The following CCND3 variants were observed in gnomAD, a reference collection of about 807,000 sequenced individuals.
The protein encoded by CCND3 is G1/S-specific cyclin-D3.
CCND3 carries 9 observed loss-of-function variants against 28.7 expected under a neutral mutation model. The observed-to-expected ratio is 0.31, with a 90% confidence interval of 0.19 to 0.55. The LOEUF (loss-of-function observed/expected upper bound fraction) is 0.55. CCND3 is among the 20% of genes least tolerant of loss of function. The probability of loss-of-function intolerance (pLI) is 0.93; values close to 1 mark genes in which losing one functional copy is unlikely to be tolerated. For synonymous variants in CCND3, 164 were observed against 163.9 expected, an observed-to-expected ratio of 1.00 and a Z score of 0.00; for missense variants, 315 against 385.8, an observed-to-expected ratio of 0.82 and a Z score of 1.54.
intron 1 of CCND3, among the ~76,000 whole-genome samples, chr6:42,036,403 A>ATATAC (rs57619585): frequency 3.2e-5 from 1 of 31,312 alleles, no homozygotes; most frequent in Non-Finnish European, 5.0e-5. Flanking sequence ...ATATATATAT[A>ATATAC]TTTTTTTTTT....
chr6:42,037,872 A>G (rs1764269511), intron 1 of CCND3, among the ~76,000 whole-genome samples: 1 of 151,866 alleles, frequency 6.6e-6, no homozygotes, highest in South Asian at 2.1e-4. Flanking sequence ...CTCTAATAAA[A>G]ATACAAAAAT....
chr6:42,041,915 C>A (rs888735333), intron 1 of CCND3, among the ~76,000 whole-genome samples: 2 of 152,172 alleles, frequency 1.3e-5, no homozygotes, highest in African/African-American at 4.8e-5. Flanking sequence ...GAGGCCCCTG[C>A]TCCGGCTTCC....
chr6:42,012,939 C>T (rs1320065615), intron 1 of CCND3, among the ~76,000 whole-genome samples: 2 of 152,156 alleles, frequency 1.3e-5, no homozygotes, highest in African/African-American at 4.8e-5. Context: ...CTGGTCAGTT[C>T]TGACCACTAG....
intron 1 of CCND3, among the ~76,000 whole-genome samples, chr6:41,952,464 G>A (rs766343288): frequency 2.6e-5 from 4 of 152,218 alleles, no homozygotes; most frequent in Non-Finnish European, 2.9e-5. Context: ...TACCTGAGGC[G>A]TGAGGGAGCA....
Position 42,020,102 on chromosome 6 carries a change from T to C in CCND3, c.-46+28399A>G, listed in dbSNP as rs564557795. Among the ~76,000 whole-genome samples, 3 of 151,914 alleles carry C rather than the reference T, an allele frequency of 2.0e-5. No homozygotes were observed. In the South Asian group the frequency reaches 6.2e-4, roughly 32 times the overall value. ...GACCATCCTGGCTAACAAGGTGAAA[T>C]CCCGTCTCTACTAAAAATGCAAAAA... On this transcript the variant is annotated intron_variant, in intron 1 of 4. Transcript: ENST00000372988.
In CCND3 at chr6:41,984,000, C is replaced by T. The variant is rs568927910; in HGVS notation, c.-45-43415G>A. Among the ~76,000 whole-genome samples, 6 of 152,258 alleles carry T rather than the reference C, an allele frequency of 3.9e-5. No homozygotes were observed. In the East Asian group the frequency reaches 9.6e-4, roughly 24 times the overall value. On this transcript the variant is annotated intron_variant, in intron 1 of 4. Coordinates refer to the CCND3 transcript ENST00000372988. ...CAACCACCATTCCACTCTCTACTCC[C>T]AAGAGTTTGACTTTTTAAAATTTCA...
chr6:42,037,049 C>T (rs979061560), intron 1 of CCND3, among the ~76,000 whole-genome samples: 1 of 152,128 alleles, frequency 6.6e-6, no homozygotes, highest in Non-Finnish European at 1.5e-5. Flanking sequence ...CGCCATTCTC[C>T]TGCCTCAGCC....
At chr6:42,014,730 T>A (rs543048677) in intron 1 of CCND3, among the ~76,000 whole-genome samples, 1 of 151,650 alleles carries the variant, frequency 6.6e-6, no homozygotes, top group Non-Finnish European at 1.5e-5. Flanking sequence ...TGAGGCTTCA[T>A]TGAGCTATGA....
intron 1 of CCND3, among the ~76,000 whole-genome samples, chr6:41,980,566 A>G (rs1012664746): frequency 1.3e-5 from 2 of 152,224 alleles, no homozygotes; most frequent in Non-Finnish European, 2.9e-5. Context: ...TATCAACAGC[A>G]GACACAAATG....
chr6:41,953,873 G>A (rs978008119), intron 1 of CCND3, among the ~76,000 whole-genome samples: 1 of 151,774 alleles, frequency 6.6e-6, no homozygotes, highest in Non-Finnish European at 1.5e-5. Flanking sequence ...TGAGAATGGA[G>A]GAAGACATGG....
chr6:42,036,323 T>TATATATATATATAA (rs1561997910), intron 1 of CCND3, among the ~76,000 whole-genome samples: 1 of 133,072 alleles, frequency 7.5e-6, no homozygotes, highest in South Asian at 2.4e-4. Flanking sequence ...TATATATATA[T>TATATATATATATAA]AAAATATATA....
chr6:41,988,403 A>G (rs2127415117), intron 1 of CCND3, among the ~76,000 whole-genome samples: 1 of 152,228 alleles, frequency 6.6e-6, no homozygotes, highest in East Asian at 1.9e-4. Context: ...TGCTGCCTAA[A>G]TAACTACCCC....
rs12201437 is a variant in CCND3, at chr6:42,048,148, C to T, written c.-46+353G>A. Reference sequence around the variant, plus strand: ...TCATCCCGGTGCACTTGCCAGAGCACTCACAGACTCCCCATCCACACTGGT... The same window carrying T: ...TCATCCCGGTGCACTTGCCAGAGCATTCACAGACTCCCCATCCACACTGGT... On this transcript the variant is annotated intron_variant, in intron 1 of 4. Transcript: ENST00000372988. The surrounding 1 kb of genome is among the most constrained non-coding windows in gnomAD (Gnocchi z 4.7). The T allele has an allele frequency of 0.086, 16,053 of 186,254 alleles. 923 individuals are homozygous for T. Among genetic ancestry groups the T allele is most frequent in the East Asian group, 0.25 (1,342 of 5,346 alleles). 11.5% of individuals were successfully genotyped at this position (186,254 alleles called of 1,614,324 possible). A position where few individuals can be genotyped will look rare whatever the true frequency, so the allele number is the denominator to read the frequency against.
chr6:42,035,805 G>A (rs891223178), intron 1 of CCND3, among the ~76,000 whole-genome samples: 1 of 149,628 alleles, frequency 6.7e-6, no homozygotes, highest in Admixed American at 6.7e-5. Context: ...AGCCTCCCAA[G>A]TAGCTGGGAT....
intron 1 of CCND3, among the ~76,000 whole-genome samples, chr6:41,989,259 G>C (rs368876466): frequency 1.3e-5 from 2 of 151,912 alleles, no homozygotes; most frequent in East Asian, 1.9e-4. Context: ...AGGAGTTCGA[G>C]ATCGGCCTGG....
rs144750515 is a variant in CCND3, at chr6:41,972,629, C to A, written c.-45-32044G>T. ...TGACAGAGATGGCGCCTGGAAAGTGCACAGTACTGTGCTGAGGACTCAGCA... is the reference window on the plus strand; with the variant it reads ...TGACAGAGATGGCGCCTGGAAAGTGAACAGTACTGTGCTGAGGACTCAGCA... On this transcript the variant is annotated intron_variant, in intron 1 of 4. Coordinates refer to the CCND3 transcript ENST00000372988. 1.4e-3 allele frequency among the ~76,000 whole-genome samples: 219 copies of A among 152,246 alleles called. 5 individuals are homozygous for A. In the East Asian group the frequency reaches 0.017, roughly 12 times the overall value.
intron 1 of CCND3, among the ~76,000 whole-genome samples, chr6:41,976,121 G>A (rs1255700515): frequency 6.6e-6 from 1 of 152,160 alleles, no homozygotes; most frequent in Non-Finnish European, 1.5e-5. Flanking sequence ...GGAGGCTGAG[G>A]TGGGCGGATC....
chr6:41,957,904 C>T (rs990528874), intron 1 of CCND3, among the ~76,000 whole-genome samples: 6 of 151,930 alleles, frequency 3.9e-5, no homozygotes, highest in African/African-American at 1.2e-4. Flanking sequence ...AAGCTGGTCT[C>T]GAACTCCTGG....
chr6:41,957,036 A>G (rs1776456810), intron 1 of CCND3, among the ~76,000 whole-genome samples: 1 of 149,458 alleles, frequency 6.7e-6, no homozygotes, highest in South Asian at 2.1e-4. Context: ...GTCTCAAAAC[A>G]AACAAACAAA....
Sources: allele counts gnomAD v4.1 joint callset (sites outside exome capture counted in the v4.1 genomes callset), GRCh38; gene constraint gnomAD v4.1.1; non-coding constraint Gnocchi (gnomAD v3.1); transcripts MANE v1.5; gene names NCBI Gene and HGNC (gene_info 2026-07-23, HGNC 2026-07-21).